PTPRT: variants seen among roughly 807,000 people sequenced by gnomAD.
The protein encoded by PTPRT is receptor-type tyrosine-protein phosphatase T.
Under a neutral mutation model 176.8 loss-of-function variants are expected in PTPRT, and 56 were observed. The observed-to-expected ratio is 0.32, with a 90% CI of 0.26 to 0.40. The LOEUF is 0.40. PTPRT is among the 10% of genes least tolerant of loss of function. The pLI is 1.00. For synonymous variants in PTPRT, 783 were observed against 739.0 expected (o/e 1.06, Z -0.96); for missense variants, 1,540 against 1,908.2 (o/e 0.81, Z 3.60).
At chr20:43,111,315 G>A (rs1272543007) in intron 1 of PTPRT, among the ~76,000 whole-genome samples, 14 of 152,054 alleles carry the variant, frequency 9.2e-5, no homozygotes, top group Admixed American at 4.6e-4. Flanking sequence ...CAAGGAGGGC[G>A]GATCACGAGG....
At chr20:42,959,101 T>A (rs1244576549) in intron 1 of PTPRT, among the ~76,000 whole-genome samples, 1 of 152,174 alleles carries the variant, frequency 6.6e-6, no homozygotes, top group African/African-American at 2.4e-5. Context: ...GCCTAATGGT[T>A]AAAAGTAACC....
At chr20:43,175,396 G>T (rs1428596267) in intron 1 of PTPRT, among the ~76,000 whole-genome samples, 1 of 152,234 alleles carries the variant, frequency 6.6e-6, no homozygotes, top group Admixed American at 6.5e-5. Flanking sequence ...ACCTAAATTT[G>T]TCTTGAAAAG....
At chr20:42,992,928 T>C (rs1284726251) in intron 1 of PTPRT, among the ~76,000 whole-genome samples, 3 of 152,144 alleles carry the variant, frequency 2.0e-5, no homozygotes, top group Non-Finnish European at 4.4e-5. Context: ...ATATGTTACA[T>C]GGTGACACAG....
At chr20:42,915,895 C>T (rs547459586) in intron 1 of PTPRT, among the ~76,000 whole-genome samples, 41 of 151,768 alleles carry the variant, frequency 2.7e-4, no homozygotes, top group African/African-American at 9.7e-4. Flanking sequence ...GTCACCATGC[C>T]CGGCCCGCTA....
chr20:42,924,119 TG>T lies in PTPRT; in HGVS notation c.89-38188del, dbSNP rs1337982679. On this transcript the variant is annotated intron_variant, in intron 1 of 30. Transcript: ENST00000373187. The stretch of plus-strand genomic sequence containing the variant: ...ATCCACCCACCTCGGCTTCCCAAAA[TG>T]CTGGGATTACAAGCATTTGCTACCA... Among the ~76,000 whole-genome samples, 8 of 152,212 alleles carry T rather than the reference TG, an allele frequency of 5.3e-5. 1 individual carries two copies. The South Asian group carries it at 1.7e-3, about 32-fold the overall frequency.
chr20:43,036,187 T>C (rs1278606117), intron 1 of PTPRT, among the ~76,000 whole-genome samples: 1 of 152,242 alleles, frequency 6.6e-6, no homozygotes, highest in Non-Finnish European at 1.5e-5. Context: ...AAATCACTTG[T>C]TGCTTTAAAA....
At chr20:42,676,763 A>G (rs1247827746) in intron 7 of PTPRT, among the ~76,000 whole-genome samples, 3 of 152,252 alleles carry the variant, frequency 2.0e-5, no homozygotes, top group Non-Finnish European at 4.4e-5. Flanking sequence ...TATAACATAA[A>G]TAAGGTAATT....
At chr20:42,631,710 T>A (rs2074409998) in intron 7 of PTPRT, among the ~76,000 whole-genome samples, 1 of 152,202 alleles carries the variant, frequency 6.6e-6, no homozygotes, top group African/African-American at 2.4e-5. Flanking sequence ...GAGCCCAATC[T>A]TGGGCAAGGC....
chr20:43,109,556 G>C (rs1486412328), intron 1 of PTPRT, among the ~76,000 whole-genome samples: 1 of 152,002 alleles, frequency 6.6e-6, no homozygotes, highest in Admixed American at 6.6e-5. Context: ...AGCTACTCTT[G>C]TGCTAGGGGC....
Position 42,398,235 on chromosome 20 carries a change from A to G in PTPRT, c.1561-45950T>C, listed in dbSNP as rs188473506. 7.2e-5 allele frequency among the ~76,000 whole-genome samples: 11 copies of G among 152,334 alleles called. No homozygotes were observed. The East Asian group carries it at 2.1e-3, about 29-fold the overall frequency. On this transcript the variant is annotated intron_variant, in intron 9 of 30. Coordinates refer to ENST00000373187, the MANE Select transcript of PTPRT (RefSeq NM_007050.6). Reference sequence around the variant, plus strand: ...AAGGAATAACCAATAGATGTGTACAAATCTGATTAAACTAATGGTTAATAA... The same window carrying G: ...AAGGAATAACCAATAGATGTGTACAGATCTGATTAAACTAATGGTTAATAA...
chr20:42,439,168 C>G (rs1478429003), intron 9 of PTPRT, among the ~76,000 whole-genome samples: 3 of 152,180 alleles, frequency 2.0e-5, no homozygotes. Context: ...GAATGATGAG[C>G]TGTGGACTAG....
chr20:42,600,832 A>G (rs2073767468), intron 7 of PTPRT, among the ~76,000 whole-genome samples: 1 of 152,204 alleles, frequency 6.6e-6, no homozygotes. Context: ...TATATGCAAC[A>G]CATTTTCTTT....
Position 42,716,323 on chromosome 20 carries a change from C to T in PTPRT, c.860-38164G>A, listed in dbSNP as rs143334901. Among the ~76,000 whole-genome samples, 503 of 152,306 alleles carry T rather than the reference C, an allele frequency of 3.3e-3. 5 individuals are homozygous for T. The highest frequency in any genetic ancestry group is 0.011 in the African/African-American group (478 of 41,568). ...CTAGTTCTAGATCTCTGAGGAATTGCCATACTGTCTTCCACATGGTTGAAC... is the reference window on the plus strand; with the variant it reads ...CTAGTTCTAGATCTCTGAGGAATTGTCATACTGTCTTCCACATGGTTGAAC... On this transcript the variant is annotated intron_variant, in intron 6 of 30. Coordinates refer to ENST00000373187, the MANE Select transcript of PTPRT (RefSeq NM_007050.6).
At chr20:42,749,550 A>C (rs2076740226) in intron 6 of PTPRT, among the ~76,000 whole-genome samples, 1 of 152,208 alleles carries the variant, frequency 6.6e-6, no homozygotes, top group Non-Finnish European at 1.5e-5. Context: ...GAGCAGTATG[A>C]TCTTAGAAAG....
At chr20:43,008,484 A>C (rs1568730816) in intron 1 of PTPRT, among the ~76,000 whole-genome samples, 1 of 152,134 alleles carries the variant, frequency 6.6e-6, no homozygotes, top group Non-Finnish European at 1.5e-5. Context: ...TGTGATCAGG[A>C]GTTTGAGACG....
chr20:42,806,979 C>A (rs2077619163), intron 2 of PTPRT, among the ~76,000 whole-genome samples: 1 of 152,292 alleles, frequency 6.6e-6, no homozygotes, highest in East Asian at 1.9e-4. Flanking sequence ...TATAGCACTG[C>A]ACTTGTGAAA....
intron 1 of PTPRT, among the ~76,000 whole-genome samples, chr20:43,002,521 A>C (rs1385672311): frequency 1.3e-5 from 2 of 152,238 alleles, no homozygotes; most frequent in Non-Finnish European, 2.9e-5. Context: ...GTTTTCAAAA[A>C]AGAAATTAAT....
chr20:43,092,824 G>A (rs1020625495), intron 1 of PTPRT, among the ~76,000 whole-genome samples: 1 of 152,166 alleles, frequency 6.6e-6, no homozygotes, highest in African/African-American at 2.4e-5. Context: ...TGAGACTGAC[G>A]AGAAATAAAA....
chr20:42,553,045 A>G (rs989283508), intron 7 of PTPRT, among the ~76,000 whole-genome samples: 9 of 152,128 alleles, frequency 5.9e-5, no homozygotes, highest in Admixed American at 1.3e-4. Context: ...TAAAATTTCA[A>G]AATGTGAATA....
Sources: allele counts gnomAD v4.1 joint callset (sites outside exome capture counted in the v4.1 genomes callset), GRCh38; gene constraint gnomAD v4.1.1; transcripts MANE v1.5; gene names NCBI Gene and HGNC (gene_info 2026-07-23, HGNC 2026-07-21).